The following SPTLC3 variants were observed in gnomAD, a reference collection of about 807,000 sequenced individuals.
SPTLC3 encodes serine palmitoyltransferase 3.
A neutral mutation model predicts 59.3 loss-of-function variants in SPTLC3; 36 were observed. The observed-to-expected ratio is 0.61, with a 90% CI of 0.47 to 0.80. The LOEUF is 0.80. Among genes scored for constraint, SPTLC3 ranks in the 30% least tolerant of loss-of-function variants. The pLI, the probability that SPTLC3 is intolerant of heterozygous loss-of-function variation, is 0.00. For missense variants in SPTLC3, 625 were observed against 685.1 expected, an observed-to-expected ratio of 0.91 and a Z score of 0.98; for synonymous variants, 257 against 240.8, an observed-to-expected ratio of 1.07 and a Z score of -0.62.
intron 11 of SPTLC3, chr20:13,164,468 G>A (rs1181156591): frequency 1.3e-5 from 7 of 527,792 alleles, no homozygotes; most frequent in Admixed American, 2.4e-5. Flanking sequence ...CCTTTTAAGG[G>A]TAAGCATGGG....
intron 4 of SPTLC3, among the ~76,000 whole-genome samples, chr20:13,077,531 C>T (rs1473574524): frequency 6.6e-6 from 1 of 151,948 alleles, no homozygotes; most frequent in Non-Finnish European, 1.5e-5. Context: ...ACATAAGTCA[C>T]ATTCTTGAAT....
chr20:13,031,591 G>T (rs1173256420), intron 1 of SPTLC3, among the ~76,000 whole-genome samples: 1 of 152,144 alleles, frequency 6.6e-6, no homozygotes, highest in Non-Finnish European at 1.5e-5. Context: ...AGTCTTAAAA[G>T]GTTCTATTTT....
intron 1 of SPTLC3, among the ~76,000 whole-genome samples, chr20:13,010,851 C>A (rs1985203065): frequency 6.6e-6 from 1 of 152,144 alleles, no homozygotes; most frequent in African/African-American, 2.4e-5. Flanking sequence ...GTTTTATAAT[C>A]ACATTCGAGG....
chr20:13,051,495 C>A (rs1472796894), intron 2 of SPTLC3, among the ~76,000 whole-genome samples: 4 of 152,184 alleles, frequency 2.6e-5, no homozygotes, highest in African/African-American at 9.7e-5. Context: ...TAGTGAGGGA[C>A]TTCAGTACTC....
chr20:13,017,802 T>A (rs1355295174), intron 1 of SPTLC3, among the ~76,000 whole-genome samples: 3 of 152,170 alleles, frequency 2.0e-5, no homozygotes, highest in Admixed American at 6.5e-5. Flanking sequence ...CTAATTCTAA[T>A]CCACTTGAAC....
At chr20:13,114,062 C>T (rs905305624) in intron 7 of SPTLC3, among the ~76,000 whole-genome samples, 2 of 152,174 alleles carry the variant, frequency 1.3e-5, no homozygotes, top group Admixed American at 1.3e-4. Flanking sequence ...CCAGGTGGCC[C>T]TGATGGGACA....
intron 9 of SPTLC3, among the ~76,000 whole-genome samples, chr20:13,131,735 C>T (rs777545164): frequency 3.3e-5 from 5 of 152,180 alleles, no homozygotes; most frequent in Non-Finnish European, 7.4e-5. Flanking sequence ...CCCACTTTTG[C>T]TCTTGCCTTT....
intron 1 of SPTLC3, among the ~76,000 whole-genome samples, chr20:13,034,750 C>T (rs919607): frequency 0.14 from 21,535 of 151,556 alleles, 2,319 homozygotes; most frequent in African/African-American, 0.31. Flanking sequence ...GTATCATTTG[C>T]GTCAGTTCTA....
intron 9 of SPTLC3, among the ~76,000 whole-genome samples, chr20:13,142,483 C>G (rs796880817): frequency 6.6e-6 from 1 of 152,176 alleles, no homozygotes; most frequent in African/African-American, 2.4e-5. Flanking sequence ...TTTTTCCTTC[C>G]TACAGCTGGG....
intron 9 of SPTLC3, among the ~76,000 whole-genome samples, chr20:13,142,906 G>A (rs1173238492): frequency 6.6e-6 from 1 of 151,182 alleles, no homozygotes; most frequent in Non-Finnish European, 1.5e-5. Context: ...CAAATACCCC[G>A]CCTCTCTCTC....
In SPTLC3 at chr20:13,126,599, G is replaced by A; in HGVS notation, c.1161G>A (p.Val387=). The change falls in exon 9 of 12, where the codon GTG becomes GTA. Residue 387 remains valine (V), a synonymous_variant. Coordinates refer to ENST00000399002, the MANE Select transcript of SPTLC3 (RefSeq NM_018327.4). The part of the protein sequence containing the change: ...GGYIAGRKDL[V]DYLRVHSHSA... ...TCCCCTCTTTATTTAAGGACCTCGT[G>A]GATTATTTACGGGTTCACTCGCATA... is the stretch of plus-strand genomic sequence containing the variant. The A allele has an allele frequency of 1.9e-6, 3 of 1,613,288 alleles. No individual in the cohort carries two copies. Among genetic ancestry groups the A allele is most frequent in the Non-Finnish European group, 2.5e-6 (3 of 1,179,710 alleles).
At chr20:13,089,116 G>A (rs918626424) in intron 4 of SPTLC3, among the ~76,000 whole-genome samples, 1 of 152,168 alleles carries the variant, frequency 6.6e-6, no homozygotes, top group Non-Finnish European at 1.5e-5. Flanking sequence ...AGCACAGTAA[G>A]AAAATTAACG....
chr20:13,129,252 C>T (rs1439605383), intron 9 of SPTLC3, among the ~76,000 whole-genome samples: 1 of 152,044 alleles, frequency 6.6e-6, no homozygotes, highest in Admixed American at 6.6e-5. Flanking sequence ...TTTGCCCACC[C>T]CAGGCTCCTA....
intron 2 of SPTLC3, among the ~76,000 whole-genome samples, chr20:13,069,807 T>C (rs940439865): frequency 6.6e-6 from 1 of 152,162 alleles, no homozygotes; most frequent in Non-Finnish European, 1.5e-5. Context: ...GATTCTTGTC[T>C]CCTCTCCAAA....
chr20:13,154,027 C>T lies in SPTLC3; in HGVS notation c.1304C>T (p.Ala435Val), dbSNP rs573867126. ...TQGLQRVQQL[A>V]KNTRYFRQRL... ...GGGCTGCAGAGAGTACAGCAACTTGCGAAAAACACAAGATACTTCAGACAA... is the reference window on the plus strand; with the variant it reads ...GGGCTGCAGAGAGTACAGCAACTTGTGAAAAACACAAGATACTTCAGACAA... Residue 435 changes from alanine to valine, a missense_variant, in exon 10 of 12, where the codon GCG becomes GTG. Transcript: ENST00000399002. 514 of 1,613,870 alleles carry T rather than the reference C, an allele frequency of 3.2e-4. No homozygotes were observed. The highest frequency in any genetic ancestry group is 4.2e-4 in the Non-Finnish European group (490 of 1,179,950).
intron 6 of SPTLC3, among the ~76,000 whole-genome samples, chr20:13,103,606 GTCATGGA>G (rs1164924672): frequency 1.3e-5 from 2 of 152,156 alleles, no homozygotes; most frequent in African/African-American, 2.4e-5. Flanking sequence ...TTTTTGTGGG[GTCATGGA>G]TGACAAAGAA....
At chr20:13,033,134 T>A (rs1986574794) in intron 1 of SPTLC3, among the ~76,000 whole-genome samples, 1 of 152,130 alleles carries the variant, frequency 6.6e-6, no homozygotes, top group South Asian at 2.1e-4. Context: ...ATACAGACAT[T>A]TCCTTGAGGA....
At chr20:13,112,127 C>T (rs1172222612) in intron 7 of SPTLC3, among the ~76,000 whole-genome samples, 1 of 152,210 alleles carries the variant, frequency 6.6e-6, no homozygotes, top group Non-Finnish European at 1.5e-5. Context: ...TTATTATTTC[C>T]CACGCTACCG....
At chr20:13,107,952 T>C (rs897005052) in intron 6 of SPTLC3, among the ~76,000 whole-genome samples, 5 of 152,188 alleles carry the variant, frequency 3.3e-5, no homozygotes, top group African/African-American at 1.2e-4. Flanking sequence ...TTATGTGATG[T>C]TTTCTTAAGG....
Sources: gnomAD v4.1 joint callset for allele counts (sites outside exome capture counted in the v4.1 genomes callset) on GRCh38, gnomAD v4.1.1 for gene constraint, MANE v1.5 for transcripts, NCBI Gene and HGNC (gene_info 2026-07-23, HGNC 2026-07-21) for gene names.